Variants in PRKCB observed in about 807,000 individuals in gnomAD.
The protein encoded by PRKCB is protein kinase C beta type.
In PRKCB, 13 loss-of-function variants were observed where a neutral mutation model predicts 81.5. That is an observed-to-expected ratio of 0.16 (90% CI 0.10 to 0.25). The LOEUF is 0.25. Among genes scored for constraint, PRKCB ranks in the 10% least tolerant of loss-of-function variants. PRKCB has a pLI of 1.00. For missense variants in PRKCB, 509 were observed against 875.7 expected (o/e 0.58, Z 5.29); for synonymous variants, 335 against 321.4 (o/e 1.04, Z -0.45).
intron 5 of PRKCB, among the ~76,000 whole-genome samples, chr16:24,065,495 C>A (rs1298113409): frequency 6.6e-6 from 1 of 152,120 alleles, no homozygotes; most frequent in Non-Finnish European, 1.5e-5. Flanking sequence ...CTGTTTACCC[C>A]ATCCTACCAT....
intron 2 of PRKCB, among the ~76,000 whole-genome samples, chr16:23,854,459 G>A (rs762960836): frequency 1.3e-5 from 2 of 152,278 alleles, no homozygotes; most frequent in South Asian, 4.1e-4. Flanking sequence ...GGGATTGGCT[G>A]TTCTTGGCTG....
chr16:23,846,998 C>A (rs1415549975), intron 2 of PRKCB, among the ~76,000 whole-genome samples: 1 of 152,018 alleles, frequency 6.6e-6, no homozygotes, highest in Non-Finnish European at 1.5e-5. Flanking sequence ...AGTTGCCCTA[C>A]AGAGTCAGGA....
intron 9 of PRKCB, among the ~76,000 whole-genome samples, chr16:24,136,423 G>C (rs183995128): frequency 2.0e-5 from 3 of 152,246 alleles, no homozygotes; most frequent in Admixed American, 6.5e-5. Flanking sequence ...AAGACACCCA[G>C]AGGCAAGAAG....
At chr16:24,106,834 C>A (rs1966584442) in intron 7 of PRKCB, among the ~76,000 whole-genome samples, 1 of 151,850 alleles carries the variant, frequency 6.6e-6, no homozygotes, top group African/African-American at 2.4e-5. Context: ...TGACTATGTC[C>A]TTTTGCCTTT....
chr16:23,963,593 G>A (rs372662168), intron 2 of PRKCB: 15 of 152,278 alleles, frequency 9.9e-5, no homozygotes, highest in African/African-American at 3.1e-4. Flanking sequence ...TTTCCACTGG[G>A]TGCTGGAACC....
At chr16:23,862,625 G>A (rs939347921) in intron 2 of PRKCB, among the ~76,000 whole-genome samples, 2 of 152,180 alleles carry the variant, frequency 1.3e-5, no homozygotes, top group African/African-American at 4.8e-5. Flanking sequence ...GTTTTTACTT[G>A]TTACCTATGG....
intron 2 of PRKCB, among the ~76,000 whole-genome samples, chr16:23,852,908 C>A (rs1962498498): frequency 6.6e-6 from 1 of 152,158 alleles, no homozygotes; most frequent in African/African-American, 2.4e-5. Flanking sequence ...TGAGGCTGAG[C>A]CTGAGAAATG....
intron 3 of PRKCB, among the ~76,000 whole-genome samples, chr16:24,023,472 C>T (rs976906961): frequency 6.6e-6 from 1 of 152,134 alleles, no homozygotes; most frequent in African/African-American, 2.4e-5. Context: ...AGGTTCACAC[C>T]ATTCTCCTGC....
intron 16 of PRKCB, among the ~76,000 whole-genome samples, chr16:24,201,143 C>G (rs1183441234): frequency 6.6e-6 from 1 of 152,110 alleles, no homozygotes; most frequent in Admixed American, 6.5e-5. Context: ...GAGACTTACC[C>G]TCACTCCTGC....
chr16:23,897,233 G>A (rs566471889), intron 2 of PRKCB, among the ~76,000 whole-genome samples: 2 of 152,302 alleles, frequency 1.3e-5, no homozygotes, highest in South Asian at 4.1e-4. Flanking sequence ...AGAGCTCTGA[G>A]CAGGGAGGGA....
intron 2 of PRKCB, among the ~76,000 whole-genome samples, chr16:23,875,051 T>A (rs1962971871): frequency 1.3e-5 from 2 of 151,548 alleles, no homozygotes; most frequent in African/African-American, 4.9e-5. Context: ...TTTTTTTTTT[T>A]TTTGAGACGG....
At chr16:23,945,274 G>A (rs1262061280) in intron 2 of PRKCB, among the ~76,000 whole-genome samples, 1 of 152,180 alleles carries the variant, frequency 6.6e-6, no homozygotes, top group Non-Finnish European at 1.5e-5. Flanking sequence ...GGTGAGTGTG[G>A]GTGAGCCAAG....
At chr16:24,141,219 G>A (rs757039983) in intron 9 of PRKCB, among the ~76,000 whole-genome samples, 3 of 152,104 alleles carry the variant, frequency 2.0e-5, no homozygotes, top group Non-Finnish European at 2.9e-5. Flanking sequence ...TTTTGAGACA[G>A]AGTCTCCCTC....
chr16:23,863,297 C>T (rs1480947472), intron 2 of PRKCB, among the ~76,000 whole-genome samples: 5 of 143,818 alleles, frequency 3.5e-5, no homozygotes, highest in Non-Finnish European at 6.1e-5. Flanking sequence ...AATATTTTAC[C>T]TAGGGTGGAC....
intron 9 of PRKCB, among the ~76,000 whole-genome samples, chr16:24,126,386 A>G (rs1966844308): frequency 6.6e-6 from 1 of 152,140 alleles, no homozygotes; most frequent in Non-Finnish European, 1.5e-5. Context: ...TACAAATTAA[A>G]TGAGCACTTT....
chr16:24,212,405 A>T (rs1252438235), intron 16 of PRKCB, among the ~76,000 whole-genome samples: 1 of 127,966 alleles, frequency 7.8e-6, no homozygotes, highest in African/African-American at 3.8e-5. Flanking sequence ...TGTGCTTTAA[A>T]AAAAAAAAAA....
chr16:23,969,931 T>G (rs762792420), intron 2 of PRKCB, among the ~76,000 whole-genome samples: 16 of 152,230 alleles, frequency 1.1e-4, no homozygotes, highest in Admixed American at 1.3e-4. Flanking sequence ...TGCTTTGTTA[T>G]GCAGAATAGC....
intron 9 of PRKCB, among the ~76,000 whole-genome samples, chr16:24,154,045 CAGTAAA>C (rs1967116250): frequency 6.6e-6 from 1 of 152,204 alleles, no homozygotes; most frequent in Non-Finnish European, 1.5e-5. Flanking sequence ...TGGGTTACAC[CAGTAAA>C]CCAAAACAGC....
At chr16:24,062,250 C>T (rs1297795557) in intron 5 of PRKCB, among the ~76,000 whole-genome samples, 2 of 152,184 alleles carry the variant, frequency 1.3e-5, no homozygotes, top group Admixed American at 1.3e-4. Context: ...GTGAGGCCCT[C>T]ACTCTCACAT....
Sources: gnomAD v4.1 joint callset for allele counts (sites outside exome capture counted in the v4.1 genomes callset) on GRCh38, gnomAD v4.1.1 for gene constraint, MANE v1.5 for transcripts, NCBI Gene and HGNC (gene_info 2026-07-23, HGNC 2026-07-21) for gene names.